CHSY1: variants seen among roughly 807,000 people sequenced by gnomAD.
The protein encoded by CHSY1 is N-acetylgalactosaminyl-proteoglycan 3-beta-glucuronosyltransferase 1.
CHSY1 carries 13 observed loss-of-function variants against 59.8 expected under a neutral mutation model. The ratio of observed to expected loss-of-function variants is 0.22; its 90% CI spans 0.14 to 0.35. CHSY1 has a LOEUF of 0.35. CHSY1 is among the 10% of genes least tolerant of loss of function. CHSY1 has a pLI of 1.00. For missense variants in CHSY1, 947 were observed against 1,030.6 expected, an observed-to-expected ratio of 0.92 and a Z score of 1.11; for synonymous variants, 459 against 401.2, an observed-to-expected ratio of 1.14 and a Z score of -1.72.
chr15:101,227,641 C>T (rs2038854129), intron 2 of CHSY1, among the ~76,000 whole-genome samples: 1 of 152,112 alleles, frequency 6.6e-6, no homozygotes, highest in African/African-American at 2.4e-5. Context: ...CCAAGAAGGC[C>T]CTAAGCTCTC....
At chr15:101,213,596 C>T (rs1484880599) in intron 2 of CHSY1, among the ~76,000 whole-genome samples, 1 of 152,132 alleles carries the variant, frequency 6.6e-6, no homozygotes, top group Non-Finnish European at 1.5e-5. Context: ...CAGATAAATC[C>T]TGTTTATCAA....
At chr15:101,214,387 C>CT (rs772092695) in intron 2 of CHSY1, among the ~76,000 whole-genome samples, 1 of 152,162 alleles carries the variant, frequency 6.6e-6, no homozygotes, top group South Asian at 2.1e-4. Context: ...ACCTTACGTC[C>CT]TTTTTTTAGG....
chr15:101,227,629 A>G (rs1369193274), intron 2 of CHSY1, among the ~76,000 whole-genome samples: 1 of 152,144 alleles, frequency 6.6e-6, no homozygotes, highest in African/African-American at 2.4e-5. Context: ...TTCAGCAAAG[A>G]CCCAAGAAGG....
chr15:101,239,170 G>A (rs1186655616), intron 1 of CHSY1, among the ~76,000 whole-genome samples: 1 of 152,164 alleles, frequency 6.6e-6, no homozygotes, highest in Non-Finnish European at 1.5e-5. Flanking sequence ...TTCAGTGCTT[G>A]GCACATAATA....
chr15:101,207,902 G>C (rs2038643477), intron 2 of CHSY1, among the ~76,000 whole-genome samples: 3 of 152,186 alleles, frequency 2.0e-5, no homozygotes, highest in African/African-American at 7.2e-5. Context: ...GATGGGGTGA[G>C]GGTGGGCTGG....
At chr15:101,223,427 C>T (rs1567101653) in intron 2 of CHSY1, among the ~76,000 whole-genome samples, 1 of 152,256 alleles carries the variant, frequency 6.6e-6, no homozygotes, top group Admixed American at 6.5e-5. Context: ...ATTACAGAAA[C>T]AAAAGATGCT....
intron 2 of CHSY1, among the ~76,000 whole-genome samples, chr15:101,216,579 A>G (rs1490867468): frequency 6.6e-6 from 1 of 152,272 alleles, no homozygotes; most frequent in Non-Finnish European, 1.5e-5. Context: ...ACACAGAGGC[A>G]TGGATGAATC....
chr15:101,180,728 G>C (rs1295687684), intron 2 of CHSY1, among the ~76,000 whole-genome samples: 1 of 152,234 alleles, frequency 6.6e-6, no homozygotes, highest in Non-Finnish European at 1.5e-5. Flanking sequence ...TTCAAGCCCT[G>C]ATGGGCGGGC....
At chr15:101,202,725 C>A (rs969173139) in intron 2 of CHSY1, among the ~76,000 whole-genome samples, 2 of 152,094 alleles carry the variant, frequency 1.3e-5, no homozygotes, top group Non-Finnish European at 2.9e-5. Flanking sequence ...TTTTTTTTAA[C>A]TTTAAAAGGC....
At chr15:101,215,749 G>A (rs907201531) in intron 2 of CHSY1, among the ~76,000 whole-genome samples, 1 of 152,108 alleles carries the variant, frequency 6.6e-6, no homozygotes, top group Non-Finnish European at 1.5e-5. Context: ...CATCAGATAC[G>A]AATTCATCAA....
At chr15:101,212,887 T>C (rs1407219550) in intron 2 of CHSY1, among the ~76,000 whole-genome samples, 2 of 152,180 alleles carry the variant, frequency 1.3e-5, no homozygotes, top group Non-Finnish European at 2.9e-5. Flanking sequence ...TGGACAGATA[T>C]GTAATAAAGC....
intron 1 of CHSY1, among the ~76,000 whole-genome samples, chr15:101,250,884 G>A (rs1300110585): frequency 4.6e-5 from 7 of 152,118 alleles, no homozygotes. Flanking sequence ...CCTTCATCAG[G>A]GTGAGAGGTA....
rs117179160 is a variant in CHSY1, at chr15:101,225,389, T to C, written c.816+9693A>G. 2.1e-3 allele frequency among the ~76,000 whole-genome samples: 314 copies of C among 152,288 alleles called. 2 individuals are homozygous for C. In the East Asian group the frequency reaches 0.025, roughly 12 times the overall value. ...TTCTTATTTCAAAATGCTTTGAATA[T>C]TGATATACGTTTTAAAAGGCAGATT... On this transcript the variant is annotated intron_variant, in intron 2 of 2. Transcript: ENST00000254190.
chr15:101,201,060 C>T (rs1030715443), intron 2 of CHSY1, among the ~76,000 whole-genome samples: 1 of 151,602 alleles, frequency 6.6e-6, no homozygotes, highest in Non-Finnish European at 1.5e-5. Context: ...TCCAATATCC[C>T]ACTGCCCACT....
chr15:101,234,214 C>G (rs578002133), intron 2 of CHSY1, among the ~76,000 whole-genome samples: 263 of 152,352 alleles, frequency 1.7e-3, no homozygotes, highest in African/African-American at 5.9e-3. Flanking sequence ...GACAACTATT[C>G]TGAAAGCAAC....
At chr15:101,237,190 C>T (rs1418301242) in intron 1 of CHSY1, among the ~76,000 whole-genome samples, 1 of 143,976 alleles carries the variant, frequency 6.9e-6, no homozygotes, top group Non-Finnish European at 1.5e-5. Context: ...CACCACTGCA[C>T]TCCAGCCTGG....
At chr15:101,201,230 G>A (rs890865447) in intron 2 of CHSY1, among the ~76,000 whole-genome samples, 14 of 152,348 alleles carry the variant, frequency 9.2e-5, no homozygotes, top group Non-Finnish European at 1.6e-4. Flanking sequence ...AGAATCATCT[G>A]AGATTGTAAT....
At chr15:101,189,466 G>T in intron 2 of CHSY1, 1 of 985,346 alleles carries the variant, frequency 1.0e-6, no homozygotes, top group Non-Finnish European at 1.2e-6. Context: ...GATGGAGCTC[G>T]GGGGGACCAG....
chr15:101,226,362 C>T (rs560434589), intron 2 of CHSY1, among the ~76,000 whole-genome samples: 1 of 152,248 alleles, frequency 6.6e-6, no homozygotes, highest in East Asian at 1.9e-4. Context: ...CTTGGAACCA[C>T]CCTATAACGT....
Sources: allele counts gnomAD v4.1 joint callset (sites outside exome capture counted in the v4.1 genomes callset), GRCh38; gene constraint gnomAD v4.1.1; transcripts MANE v1.5; gene names NCBI Gene and HGNC (gene_info 2026-07-23, HGNC 2026-07-21).